NEDD4L: variants seen among roughly 807,000 people sequenced by gnomAD.
NEDD4L encodes NEDD4 like E3 ubiquitin protein ligase.
In NEDD4L, 54 loss-of-function variants were observed where a neutral mutation model predicts 148.9. The ratio of observed to expected loss-of-function variants is 0.36; its 90% CI spans 0.29 to 0.45. NEDD4L has a LOEUF of 0.45. Ranked by LOEUF, NEDD4L falls within the 20% of genes least tolerant of loss-of-function variation. The pLI is 1.00. For synonymous variants in NEDD4L, 433 were observed against 440.7 expected (o/e 0.98, Z 0.22); for missense variants, 856 against 1,233.8 (o/e 0.69, Z 4.59).
intron 2 of NEDD4L, chr18:58,221,464 G>A: frequency 1.4e-6 from 1 of 726,860 alleles, no homozygotes; most frequent in Non-Finnish European, 1.7e-6. Flanking sequence ...CCTTATGGTA[G>A]GAGGTGGAGC....
chr18:58,169,594 A>T (rs776108681), intron 2 of NEDD4L, among the ~76,000 whole-genome samples: 96 of 152,338 alleles, frequency 6.3e-4, no homozygotes, highest in Non-Finnish European at 8.8e-4. Context: ...AGCACCTTTT[A>T]AAAAAGCAGG....
intron 2 of NEDD4L, among the ~76,000 whole-genome samples, chr18:58,235,865 C>G (rs1282100700): frequency 1.3e-5 from 2 of 151,904 alleles, no homozygotes; most frequent in East Asian, 3.9e-4. Flanking sequence ...TATAATTAAA[C>G]AATTAAAAGT....
chr18:58,383,677 CAAAG>C (rs2146714374), intron 25 of NEDD4L, among the ~76,000 whole-genome samples: 1 of 152,202 alleles, frequency 6.6e-6, no homozygotes, highest in South Asian at 2.1e-4. Context: ...TAGGAACCAA[CAAAG>C]AAAAAATATT....
At chr18:58,114,122 G>A (rs79716274) in intron 1 of NEDD4L, among the ~76,000 whole-genome samples, 4,606 of 152,230 alleles carry the variant, frequency 0.03, 224 homozygotes, top group African/African-American at 0.1. Flanking sequence ...AACCACTTTT[G>A]AGTTTTTAGG....
chr18:58,190,359 A>G lies in NEDD4L; in HGVS notation c.122+24498A>G, dbSNP rs546379818. 5.3e-5 allele frequency among the ~76,000 whole-genome samples: 8 copies of G among 152,338 alleles called. No individual in the cohort carries two copies. In the East Asian group the frequency reaches 1.5e-3, roughly 29 times the overall value. On this transcript the variant is annotated intron_variant, in intron 2 of 30. Transcript: ENST00000400345. ...TGAAGCACCCTAAATTAGCTTAATA[A>G]TGGTATATCTTTATAATGGAATAGT...
intron 1 of NEDD4L, among the ~76,000 whole-genome samples, chr18:58,134,993 C>G (rs1186144412): frequency 6.6e-6 from 1 of 151,940 alleles, no homozygotes; most frequent in Non-Finnish European, 1.5e-5. Context: ...TTAGATTTTC[C>G]TTAGAGTGAC....
chr18:58,067,566 G>A (rs1292136720), intron 1 of NEDD4L, among the ~76,000 whole-genome samples: 1 of 152,204 alleles, frequency 6.6e-6, no homozygotes, highest in Non-Finnish European at 1.5e-5. Flanking sequence ...TGGTACATCT[G>A]CAGTTCCCAT....
intron 10 of NEDD4L, among the ~76,000 whole-genome samples, chr18:58,329,944 A>G (rs2059660844): frequency 6.6e-6 from 1 of 152,168 alleles, no homozygotes; most frequent in African/African-American, 2.4e-5. Context: ...TTTGGGTATC[A>G]TATGCATATT....
chr18:58,061,524 G>A (rs565632520), intron 1 of NEDD4L, among the ~76,000 whole-genome samples: 1 of 151,936 alleles, frequency 6.6e-6, no homozygotes, highest in East Asian at 1.9e-4. Context: ...CAGACTAGAG[G>A]AGGCAGGAAG....
intron 22 of NEDD4L, among the ~76,000 whole-genome samples, chr18:58,370,178 G>C (rs996855874): frequency 1.2e-4 from 19 of 152,122 alleles, no homozygotes; most frequent in African/African-American, 4.6e-4. Flanking sequence ...GGCCTTTCTG[G>C]CCCCACTCTG....
At chr18:58,234,066 T>C (rs1038434706) in intron 2 of NEDD4L, among the ~76,000 whole-genome samples, 3 of 87,300 alleles carry the variant, frequency 3.4e-5, no homozygotes, top group African/African-American at 1.0e-4. Flanking sequence ...TCTTTCTTTC[T>C]TTCTTTCTTT....
chr18:58,179,879 A>G (rs565009795), intron 2 of NEDD4L, among the ~76,000 whole-genome samples: 1 of 152,244 alleles, frequency 6.6e-6, no homozygotes, highest in South Asian at 2.1e-4. Flanking sequence ...CATAAATGTA[A>G]TGCCCTTGAA....
At chr18:58,331,813 A>G (rs528248499) in intron 11 of NEDD4L, among the ~76,000 whole-genome samples, 2 of 152,362 alleles carry the variant, frequency 1.3e-5, no homozygotes, top group East Asian at 1.9e-4. Flanking sequence ...ACAATGTAAA[A>G]GCAAGTAAGT....
At chr18:58,091,829 C>T (rs1046983047) in intron 1 of NEDD4L, among the ~76,000 whole-genome samples, 2 of 152,268 alleles carry the variant, frequency 1.3e-5, no homozygotes, top group East Asian at 3.9e-4. Flanking sequence ...CATGTAATAG[C>T]ATTATTCACA....
chr18:58,127,584 G>A (rs1391694605), intron 1 of NEDD4L, among the ~76,000 whole-genome samples: 2 of 151,514 alleles, frequency 1.3e-5, no homozygotes, highest in African/African-American at 4.8e-5. Context: ...TCACACCTGT[G>A]ATCCCAGCAC....
intron 1 of NEDD4L, among the ~76,000 whole-genome samples, chr18:58,132,752 T>C (rs953149536): frequency 6.6e-6 from 1 of 152,230 alleles, no homozygotes; most frequent in Non-Finnish European, 1.5e-5. Context: ...TTCCGTGTTA[T>C]TCTCTTTTTT....
Position 58,256,479 on chromosome 18 carries a change from T to A in NEDD4L, c.297+4425T>A. ...TTGGTGAGGTATCCTCGCATTCGGC[T>A]GGAGAGGAGCACCTCGTACCCCACG... On this transcript the variant is annotated intron_variant, in intron 5 of 30. Coordinates refer to ENST00000400345, the MANE Select transcript of NEDD4L (RefSeq NM_001144967.3). The surrounding 1 kb of genome is among the most constrained non-coding windows in gnomAD (Gnocchi z 5.2). 1 of 1,232,218 alleles carries A rather than the reference T, an allele frequency of 8.1e-7. No homozygotes were observed. The allele number at this position is 1,232,218 out of a possible 1,614,324, so 76.3% of individuals were successfully genotyped here. A position where few individuals can be genotyped will look rare whatever the true frequency, so the allele number is the denominator to read the frequency against.
intron 19 of NEDD4L, among the ~76,000 whole-genome samples, chr18:58,363,329 C>T (rs970107875): frequency 5.9e-5 from 9 of 151,990 alleles, no homozygotes; most frequent in Non-Finnish European, 1.2e-4. Context: ...TAACTTAGGC[C>T]GAAATGATAA....
At chr18:58,117,787 G>T (rs1279132503) in intron 1 of NEDD4L, among the ~76,000 whole-genome samples, 4 of 152,140 alleles carry the variant, frequency 2.6e-5, no homozygotes, top group African/African-American at 4.8e-5. Flanking sequence ...GACTCCTTCA[G>T]CAGCAGCTGC....
Sources: gnomAD v4.1 joint callset for allele counts (sites outside exome capture counted in the v4.1 genomes callset) on GRCh38, gnomAD v4.1.1 for gene constraint, Gnocchi (gnomAD v3.1) non-coding constraint, MANE v1.5 for transcripts, NCBI Gene and HGNC (gene_info 2026-07-23, HGNC 2026-07-21) for gene names.